HDAC4: variants seen among roughly 807,000 people sequenced by gnomAD.
HDAC4 encodes the protein histone deacetylase 4.
In HDAC4, 16 loss-of-function variants were observed where a neutral mutation model predicts 135.1. The ratio of observed to expected loss-of-function variants is 0.12; its 90% CI spans 0.08 to 0.18. The LOEUF is 0.18. Ranked by LOEUF, HDAC4 falls within the 10% of genes least tolerant of loss-of-function variation. The pLI, the probability that HDAC4 is intolerant of heterozygous loss-of-function variation, is 1.00. For synonymous variants in HDAC4, 685 were observed against 653.4 expected (o/e 1.05, Z -0.74); for missense variants, 1,143 against 1,511.8 (o/e 0.76, Z 4.05).
At chr2:239,149,814 C>T (rs1396745369) in intron 7 of HDAC4, among the ~76,000 whole-genome samples, 1 of 152,212 alleles carries the variant, frequency 6.6e-6, no homozygotes, top group African/African-American at 2.4e-5. Flanking sequence ...CCACTGGCCA[C>T]ATTGCCTAGA....
At chr2:239,215,737 G>GTGGACTGGCAAAGCTGTC (rs2046596244) in intron 3 of HDAC4, among the ~76,000 whole-genome samples, 1 of 152,194 alleles carries the variant, frequency 6.6e-6, no homozygotes, top group Non-Finnish European at 1.5e-5. Context: ...ACAAGAAAGT[G>GTGGACTGGCAAAGCTGTC]TGGACTGGCA....
At chr2:239,391,490 C>T (rs934277807) in intron 1 of HDAC4, among the ~76,000 whole-genome samples, 2 of 152,176 alleles carry the variant, frequency 1.3e-5, no homozygotes, top group African/African-American at 4.8e-5. Flanking sequence ...CTCATTCCTC[C>T]CAAGACCTGC....
At chr2:239,128,526 C>CA (rs34764817) in intron 11 of HDAC4, among the ~76,000 whole-genome samples, 76,597 of 147,514 alleles carry the variant, frequency 0.52, 19,934 homozygotes, top group East Asian at 0.7. Context: ...GACTCTGTCT[C>CA]AAAAAAAAAA....
At chr2:239,288,802 A>C (rs890705155) in intron 2 of HDAC4, among the ~76,000 whole-genome samples, 12 of 152,256 alleles carry the variant, frequency 7.9e-5, no homozygotes, top group African/African-American at 2.7e-4. Context: ...ACAGTAAAGA[A>C]GACCTGATGG....
At chr2:239,277,173 A>G (rs2050419328) in intron 2 of HDAC4, among the ~76,000 whole-genome samples, 1 of 152,248 alleles carries the variant, frequency 6.6e-6, no homozygotes, top group Admixed American at 6.5e-5. Context: ...CGAGGTTAGC[A>G]GAAGGATCAG....
At chr2:239,228,190 C>T (rs992816327) in intron 3 of HDAC4, among the ~76,000 whole-genome samples, 3 of 152,220 alleles carry the variant, frequency 2.0e-5, no homozygotes, top group Non-Finnish European at 4.4e-5. Flanking sequence ...CTTGCCCTTG[C>T]TGCCTGCGCC....
Position 239,051,397 on chromosome 2 carries a change from AAT to A in HDAC4, c.*1698_*1699del, listed in dbSNP as rs1279580195. The A allele has an allele frequency of 1.3e-5, 2 of 152,246 alleles. No homozygotes were observed. The highest frequency in any genetic ancestry group is 4.8e-5 in the African/African-American group (2 of 41,444). 9.4% of individuals were successfully genotyped at this position (152,246 alleles called of 1,614,324 possible). A position where few individuals can be genotyped will look rare whatever the true frequency, so the allele number is the denominator to read the frequency against. ...CTCATCGTACAAAAATAAAAACAAA[AAT>A]AATTAAAAACCTTTGAAAGGTAAAA... is the stretch of plus-strand genomic sequence containing the variant. On this transcript the variant is annotated 3_prime_UTR_variant, in exon 27 of 27. Transcript: ENST00000543185.
At chr2:239,064,390 G>A (rs551287974) in intron 24 of HDAC4, among the ~76,000 whole-genome samples, 4 of 152,190 alleles carry the variant, frequency 2.6e-5, no homozygotes, top group East Asian at 1.9e-4. Flanking sequence ...CACTTCTGGC[G>A]CAGGGGGAGA....
chr2:239,230,151 G>C (rs1360797282), intron 3 of HDAC4, among the ~76,000 whole-genome samples: 1 of 152,060 alleles, frequency 6.6e-6, no homozygotes, highest in Non-Finnish European at 1.5e-5. Context: ...ACGCCAAAAG[G>C]AGGGGGCGTC....
chr2:239,340,767 G>A (rs530332933), intron 2 of HDAC4, among the ~76,000 whole-genome samples: 1 of 152,266 alleles, frequency 6.6e-6, no homozygotes, highest in African/African-American at 2.4e-5. Context: ...TCTGTGCCCT[G>A]CAGTCCTCGG....
intron 3 of HDAC4, among the ~76,000 whole-genome samples, chr2:239,222,090 A>G (rs1354481817): frequency 6.6e-6 from 1 of 152,138 alleles, no homozygotes; most frequent in Non-Finnish European, 1.5e-5. Context: ...AAGGGATGAC[A>G]CCCTGTGCCA....
chr2:239,390,914 A>G (rs953907582), intron 1 of HDAC4, among the ~76,000 whole-genome samples: 1 of 152,244 alleles, frequency 6.6e-6, no homozygotes, highest in Non-Finnish European at 1.5e-5. Flanking sequence ...CGGGACAGAA[A>G]GAACCAAGGG....
At position 239,049,687 on chromosome 2, in the gene HDAC4, A is replaced by G. The variant is rs555479326; in HGVS notation, c.*3410T>C. The G allele has an allele frequency of 6.6e-6, 1 of 152,510 alleles. No individual in the cohort carries two copies. The highest frequency in any genetic ancestry group is 6.5e-5 in the Admixed American group (1 of 15,304). The allele number at this position is 152,510 out of a possible 1,614,324, so 9.4% of individuals were successfully genotyped here. ...AAATGGTCCTTCCCCTTGCAAACAG[A>G]TTTTCAAAAGAAGTAAAGAAAAACT... On this transcript the variant is annotated 3_prime_UTR_variant, in exon 27 of 27. Transcript: ENST00000543185.
intron 3 of HDAC4, among the ~76,000 whole-genome samples, chr2:239,192,566 C>T (rs147587241): frequency 0.012 from 1,843 of 152,240 alleles, 18 homozygotes; most frequent in Non-Finnish European, 0.016. Context: ...ACTCAGCTGG[C>T]GGGCTCCCTG....
rs375145535 is a variant in HDAC4, at chr2:239,104,679, C to T, written c.2113-1783G>A. ...GTAGGGGACCACAGGCTGTGCCCTGCGGTGCCAAGAGGCAGGTCATGTAGT... is the reference window on the plus strand; with the variant it reads ...GTAGGGGACCACAGGCTGTGCCCTGTGGTGCCAAGAGGCAGGTCATGTAGT... On this transcript the variant is annotated intron_variant, in intron 15 of 26. Transcript: ENST00000543185. Among the ~76,000 whole-genome samples, 55 of 151,768 alleles carry T rather than the reference C, an allele frequency of 3.6e-4. 1 individual carries two copies. Among genetic ancestry groups the T allele is most frequent in the Non-Finnish European group, 5.0e-4 (34 of 67,956 alleles).
At chr2:239,086,539 TAC>T (rs1339411932) in intron 19 of HDAC4, among the ~76,000 whole-genome samples, 1 of 151,658 alleles carries the variant, frequency 6.6e-6, no homozygotes, top group East Asian at 1.9e-4. Context: ...ATCTCTCACG[TAC>T]AGTCTCCTCC....
At chr2:239,133,250 C>T (rs1038377998) in intron 11 of HDAC4, among the ~76,000 whole-genome samples, 4 of 152,196 alleles carry the variant, frequency 2.6e-5, no homozygotes, top group Non-Finnish European at 5.9e-5. Context: ...CCCAAGCCCA[C>T]CCAAGCCAGC....
At chr2:239,093,783 G>T in intron 17 of HDAC4, 1 of 277,220 alleles carries the variant, frequency 3.6e-6, no homozygotes, top group Non-Finnish European at 5.5e-6. Context: ...GCTTTCATTT[G>T]CAAATGATAA....
intron 2 of HDAC4, among the ~76,000 whole-genome samples, chr2:239,264,010 C>T (rs72990705): frequency 2.0e-5 from 3 of 151,978 alleles, no homozygotes; most frequent in Non-Finnish European, 4.4e-5. Flanking sequence ...CACACAGGAC[C>T]TTTGGGGTGG....
Sources: gnomAD v4.1 joint callset for allele counts (sites outside exome capture counted in the v4.1 genomes callset) on GRCh38, gnomAD v4.1.1 for gene constraint, MANE v1.5 for transcripts, NCBI Gene and HGNC (gene_info 2026-07-23, HGNC 2026-07-21) for gene names.